SNX4: variants seen among roughly 807,000 people sequenced by gnomAD.
SNX4 encodes the protein sorting nexin 4.
A neutral mutation model predicts 70.8 loss-of-function variants in SNX4; 49 were observed. That is an observed-to-expected ratio of 0.69 (90% confidence interval 0.55 to 0.88). SNX4 has a LOEUF of 0.88. Among genes scored for constraint, SNX4 ranks in the 40% least tolerant of loss-of-function variants. SNX4 has a pLI of 0.00. For missense variants in SNX4, 528 were observed against 544.8 expected (o/e 0.97, Z 0.31); for synonymous variants, 206 against 183.8 (o/e 1.12, Z -0.98).
In SNX4 at chr3:125,497,923, GC is replaced by G; in HGVS notation, c.459del (p.Arg153SerfsTer6). On this transcript the variant is annotated frameshift_variant, in exon 4 of 14. Coordinates refer to ENST00000251775, the MANE Select transcript of SNX4 (RefSeq NM_003794.4). LOFTEE classifies it high-confidence loss of function. ...ADNMDPDFVE[R>X]RRIGLENFLL... ...AGAAAGTTTTCTAAACCAATCCGTC[GC>G]CTCTCCACAAAATCTGGATCCATGT... 1 of 1,614,116 alleles carries G rather than the reference GC, an allele frequency of 6.2e-7. No homozygotes were observed. Among genetic ancestry groups the G allele is most frequent in the South Asian group, 1.1e-5 (1 of 91,080 alleles).
chr3:125,464,564 CTTTTTTTTTTTTTT>C (rs778518316), intron 9 of SNX4, among the ~76,000 whole-genome samples: 104 of 67,060 alleles, frequency 1.6e-3, no homozygotes, highest in Middle Eastern at 0.011. Context: ...ATTTATCTTT[CTTTTTTTTTTTTTT>C]TTTTTTTTTT....
Position 125,457,315 on chromosome 3 carries a change from G to C in SNX4, c.995C>G (p.Ala332Gly), listed in dbSNP as rs765992181. ...ELMQYDLEMAAQDLASKKQQC... is the reference protein window; with the variant it reads ...ELMQYDLEMAGQDLASKKQQC... ...CTGCTTCTTGGATGCTAAGTCCTGA[G>C]CAGCCATCTCCAAGTCATACTGCAT... The change falls in exon 11 of 14, where the codon GCT becomes GGT. Residue 332 changes from alanine (A) to glycine (G), a missense_variant. Coordinates refer to ENST00000251775, the MANE Select transcript of SNX4 (RefSeq NM_003794.4). 3.1e-6 allele frequency: 5 copies of C among 1,614,022 alleles called. 1 individual carries two copies. In the South Asian group the frequency reaches 5.5e-5, roughly 18 times the overall value.
chr3:125,510,177 T>A (rs1030898763), intron 1 of SNX4, among the ~76,000 whole-genome samples: 1 of 151,992 alleles, frequency 6.6e-6, no homozygotes, highest in South Asian at 2.1e-4. Flanking sequence ...CATGGTACCA[T>A]CATTCACAAT....
At chr3:125,495,877 C>T (rs1408736958) in intron 5 of SNX4, among the ~76,000 whole-genome samples, 2 of 152,168 alleles carry the variant, frequency 1.3e-5, no homozygotes, top group Non-Finnish European at 2.9e-5. Context: ...TCTATCTAAA[C>T]ATAAATCGGT....
chr3:125,494,502 CAT>C (rs1934735558), intron 5 of SNX4, among the ~76,000 whole-genome samples: 1 of 152,114 alleles, frequency 6.6e-6, no homozygotes, highest in Admixed American at 6.5e-5. Context: ...ACATAGTAAG[CAT>C]ATATGATTAT....
intron 1 of SNX4, among the ~76,000 whole-genome samples, chr3:125,506,111 T>G (rs893525250): frequency 1.3e-5 from 2 of 151,764 alleles, no homozygotes; most frequent in African/African-American, 4.8e-5. Context: ...AATAAATAAA[T>G]AAATAACAAA....
chr3:125,476,723 C>G lies in SNX4; in HGVS notation c.760G>C (p.Val254Leu), dbSNP rs757067885. The G allele has an allele frequency of 1.3e-6, 2 of 1,598,822 alleles. No homozygotes were observed. The highest frequency in any genetic ancestry group is 2.7e-5 in the African/African-American group (2 of 74,502). ...VADRLYGVYKVHGNYGRVFSE... is the reference protein window; with the variant it reads ...VADRLYGVYKLHGNYGRVFSE... The stretch of plus-strand genomic sequence containing the variant: ...AAAACTCGACCATAATTCCCATGTA[C>G]TTTATATACACCATAGAGTCGATCT... Residue 254 changes from valine to leucine, a missense_variant, in exon 8 of 14, where the codon GTA becomes CTA. Val to Leu is a conservative substitution (Grantham distance 32). Around this residue, in one of 3 missense-constraint regions of SNX4, gnomAD observed 341 missense variants for 312.2 expected, o/e 1.09. Transcript: ENST00000251775.
At chr3:125,500,617 C>T (rs1239764519) in intron 2 of SNX4, among the ~76,000 whole-genome samples, 2 of 151,664 alleles carry the variant, frequency 1.3e-5, no homozygotes, top group African/African-American at 4.8e-5. Flanking sequence ...CTGGCTAACA[C>T]AGTGAAACCC....
At chr3:125,518,566 G>T (rs1171602254) in intron 1 of SNX4, among the ~76,000 whole-genome samples, 2 of 152,122 alleles carry the variant, frequency 1.3e-5, no homozygotes, top group African/African-American at 4.8e-5. Flanking sequence ...CTGCTTAGCT[G>T]GTCTCTAAAC....
At chr3:125,505,204 A>G (rs1392594764) in intron 1 of SNX4, among the ~76,000 whole-genome samples, 2 of 152,232 alleles carry the variant, frequency 1.3e-5, no homozygotes, top group Non-Finnish European at 2.9e-5. Flanking sequence ...TCCTGACCTC[A>G]GGTGTTCCAC....
At chr3:125,519,817 C>T (rs1935362798) in intron 1 of SNX4, among the ~76,000 whole-genome samples, 1 of 152,126 alleles carries the variant, frequency 6.6e-6, no homozygotes, top group East Asian at 1.9e-4. Flanking sequence ...CCCGCAGCGC[C>T]TGGCGCTCGC....
At chr3:125,465,368 C>A (rs1454520059) in intron 9 of SNX4, among the ~76,000 whole-genome samples, 1 of 151,782 alleles carries the variant, frequency 6.6e-6, no homozygotes, top group Non-Finnish European at 1.5e-5. Context: ...GCCTCAGCCT[C>A]CTGAGTAGCT....
intron 2 of SNX4, among the ~76,000 whole-genome samples, chr3:125,499,688 C>T (rs944754627): frequency 1.3e-5 from 2 of 150,448 alleles, no homozygotes; most frequent in Non-Finnish European, 2.9e-5. Flanking sequence ...AAACCCAAAA[C>T]TTGTAAATAA....
chr3:125,476,575 A>G lies in SNX4; in HGVS notation c.788+120T>C, dbSNP rs956367965. On this transcript the variant is annotated intron_variant, in intron 8 of 13. Coordinates refer to ENST00000251775, the MANE Select transcript of SNX4 (RefSeq NM_003794.4). ...CAAGAAAGAAACTCCATCTCAAAAA[A>G]CAAAAACAAACAAAAAAAGAAATAA... The G allele has an allele frequency of 4.4e-6, 3 of 689,288 alleles. No homozygotes were observed. In the African/African-American group the frequency reaches 5.7e-5, roughly 13 times the overall value. 42.7% of individuals were successfully genotyped at this position (689,288 alleles called of 1,614,324 possible). A position where few individuals can be genotyped will look rare whatever the true frequency, so the allele number is the denominator to read the frequency against.
chr3:125,504,830 A>C, intron 1 of SNX4, 86 bp from the exon 2 acceptor site: 1 of 1,431,830 alleles, frequency 7.0e-7, no homozygotes, highest in Non-Finnish European at 9.4e-7. Context: ...AATTAAACCC[A>C]TTATTGGGTT....
At chr3:125,514,990 T>C (rs78743675) in intron 1 of SNX4, among the ~76,000 whole-genome samples, 3 of 151,550 alleles carry the variant, frequency 2.0e-5, no homozygotes, top group Non-Finnish European at 2.9e-5. Flanking sequence ...TTTAAAAATA[T>C]AGAAAAATAT....
At chr3:125,508,732 G>C (rs1935103152) in intron 1 of SNX4, among the ~76,000 whole-genome samples, 2 of 152,054 alleles carry the variant, frequency 1.3e-5, no homozygotes, top group South Asian at 2.1e-4. Flanking sequence ...TCGAATATAT[G>C]GTCAAACAAT....
chr3:125,455,739 C>T (rs78916327), intron 11 of SNX4, among the ~76,000 whole-genome samples: 3 of 152,054 alleles, frequency 2.0e-5, no homozygotes, highest in African/African-American at 4.8e-5. Context: ...CTTGGCCAGG[C>T]GCGCTGGCTC....
chr3:125,502,004 A>T (rs1471330524), intron 2 of SNX4, among the ~76,000 whole-genome samples: 1 of 152,234 alleles, frequency 6.6e-6, no homozygotes, highest in African/African-American at 2.4e-5. Context: ...ATTCCAGATT[A>T]TCCAAATCAA....
Sources: gnomAD v4.1 joint callset for allele counts (sites outside exome capture counted in the v4.1 genomes callset) on GRCh38, gnomAD v4.1.1 for gene constraint, gnomAD v4.1.1 regional missense constraint, MANE v1.5 for transcripts, NCBI Gene and HGNC (gene_info 2026-07-23, HGNC 2026-07-21) for gene names.